The following PTPRN2 variants were observed in gnomAD, a reference collection of about 807,000 sequenced individuals.
The protein encoded by PTPRN2 is protein tyrosine phosphatase receptor type N2.
Under a neutral mutation model 118.8 loss-of-function variants are expected in PTPRN2, and 74 were observed. That is an observed-to-expected ratio of 0.62 (90% CI 0.52 to 0.76). The LOEUF (loss-of-function observed/expected upper bound fraction) is 0.76. PTPRN2 is among the 30% of genes least tolerant of loss of function. The probability of loss-of-function intolerance (pLI) is 0.00; values close to 1 mark genes in which losing one functional copy is unlikely to be tolerated. For synonymous variants in PTPRN2, 641 were observed against 608.0 expected, an observed-to-expected ratio of 1.05 and a Z score of -0.80; for missense variants, 1,481 against 1,394.4, an observed-to-expected ratio of 1.06 and a Z score of -0.99.
At chr7:157,955,786 C>T (rs1051293540) in intron 11 of PTPRN2, among the ~76,000 whole-genome samples, 2 of 152,222 alleles carry the variant, frequency 1.3e-5, no homozygotes, top group African/African-American at 4.8e-5. Context: ...CCCATCCCTT[C>T]ATTAGCCCAG....
intron 1 of PTPRN2, among the ~76,000 whole-genome samples, chr7:158,582,360 T>C (rs541405276): frequency 7.2e-5 from 11 of 152,178 alleles, no homozygotes; most frequent in Non-Finnish European, 1.5e-4. Flanking sequence ...TCTCTTGGGA[T>C]TCGGCTGGAT....
chr7:157,838,051 CCT>C, intron 12 of PTPRN2, among the ~76,000 whole-genome samples: 1 of 144,286 alleles, frequency 6.9e-6, no homozygotes, highest in Non-Finnish European at 1.5e-5. Flanking sequence ...CTCCGCCGTG[CCT>C]ACTCCAGTTC....
At position 157,968,107 on chromosome 7, in the gene PTPRN2, C is replaced by A. The variant is rs12530779; in HGVS notation, c.1724-69370G>T. On this transcript the variant is annotated intron_variant, in intron 11 of 22. Coordinates refer to ENST00000389418, the MANE Select transcript of PTPRN2 (RefSeq NM_002847.5). ...ACTACAGCGGAGGGCAGGGGAGGAC[C>A]CACTACTCCAGGATCATTTGTGGGG... 4.5e-3 allele frequency among the ~76,000 whole-genome samples: 678 copies of A among 152,130 alleles called. 15 individuals carry two copies. In the South Asian group the frequency reaches 0.053, roughly 12 times the overall value.
chr7:158,112,384 G>A (rs547490273), intron 9 of PTPRN2, among the ~76,000 whole-genome samples: 17 of 152,340 alleles, frequency 1.1e-4, no homozygotes, highest in African/African-American at 3.4e-4. Flanking sequence ...CAAGGGGGCC[G>A]CGGTGCCACA....
intron 5 of PTPRN2, among the ~76,000 whole-genome samples, chr7:158,182,535 C>T (rs1489852750): frequency 1.3e-5 from 2 of 152,130 alleles, no homozygotes; most frequent in Non-Finnish European, 2.9e-5. Context: ...CATGTGTTCT[C>T]ACTGTTCAAC....
At chr7:158,149,684 G>C (rs936298153) in intron 6 of PTPRN2, among the ~76,000 whole-genome samples, 2 of 151,996 alleles carry the variant, frequency 1.3e-5, no homozygotes, top group South Asian at 2.1e-4. Flanking sequence ...CATGCCTGTA[G>C]TCCCAGCTAC....
In PTPRN2 at chr7:158,057,105, T is replaced by C. The variant is rs1809852104; in HGVS notation, c.1723+24193A>G. The stretch of plus-strand genomic sequence containing the variant: ...GACGCTGCCCAGCTCCCGATTCCGC[T>C]CAGCACCTGTGGACGCGGGAGCATC... On this transcript the variant is annotated intron_variant, in intron 11 of 22. Coordinates refer to ENST00000389418, the MANE Select transcript of PTPRN2 (RefSeq NM_002847.5). 2.0e-5 allele frequency among the ~76,000 whole-genome samples: 3 copies of C among 152,230 alleles called. No homozygotes were observed. The South Asian group carries it at 6.2e-4, about 31-fold the overall frequency.
intron 2 of PTPRN2, among the ~76,000 whole-genome samples, chr7:158,405,435 C>T (rs1317735701): frequency 6.6e-6 from 1 of 152,168 alleles, no homozygotes; most frequent in African/African-American, 2.4e-5. Context: ...CACAAACAGC[C>T]CCCTGGAGGA....
In PTPRN2 at chr7:158,131,920, A is replaced by G. The variant is rs1408870851; in HGVS notation, c.1556+1757T>C. Among the ~76,000 whole-genome samples the G allele has an allele frequency of 2.0e-5, 3 of 152,020 alleles. No individual in the cohort carries two copies. In the South Asian group the frequency reaches 6.2e-4, roughly 32 times the overall value. On this transcript the variant is annotated intron_variant, in intron 9 of 22. Transcript: ENST00000389418. ...CATGGGCATATACACAAACCAATAC[A>G]CATCTACCCGACACACATACACACA...
intron 12 of PTPRN2, among the ~76,000 whole-genome samples, chr7:157,730,836 G>A (rs1004356193): frequency 2.0e-5 from 3 of 152,148 alleles, no homozygotes; most frequent in Non-Finnish European, 2.9e-5. Flanking sequence ...ACAGGGGAGG[G>A]CTCTGACCTC....
In PTPRN2 at chr7:158,387,675, G is replaced by A. The variant is rs543561890; in HGVS notation, c.164-70743C>T. 2.3e-5 allele frequency among the ~76,000 whole-genome samples: 3 copies of A among 130,392 alleles called. No individual in the cohort carries two copies. In the East Asian group the frequency reaches 6.8e-4, roughly 29 times the overall value. 85.5% of individuals were successfully genotyped at this position (130,392 alleles called of 152,430 possible). On this transcript the variant is annotated intron_variant, in intron 2 of 22. Coordinates refer to ENST00000389418, the MANE Select transcript of PTPRN2 (RefSeq NM_002847.5). The stretch of plus-strand genomic sequence containing the variant: ...GCCACCACCATCTGCTGAATCTGCT[G>A]ACTTAAAGGCAATGGTGCTGGATGG...
chr7:158,147,383 T>A (rs1219293573), intron 6 of PTPRN2, among the ~76,000 whole-genome samples: 2 of 29,608 alleles, frequency 6.8e-5, no homozygotes, highest in African/African-American at 5.4e-4. Flanking sequence ...TGACACCCCA[T>A]CTCACGCCAC....
intron 1 of PTPRN2, among the ~76,000 whole-genome samples, chr7:158,578,872 C>T (rs1276176607): frequency 1.3e-5 from 2 of 152,136 alleles, no homozygotes; most frequent in East Asian, 3.8e-4. Context: ...AAGTGATTCT[C>T]CTGCCTCAGC....
chr7:157,757,062 G>A (rs748176723), intron 12 of PTPRN2, among the ~76,000 whole-genome samples: 25 of 152,206 alleles, frequency 1.6e-4, no homozygotes, highest in Non-Finnish European at 2.6e-4. Flanking sequence ...ACGGGCAGTG[G>A]ATGGACTATG....
chr7:158,189,853 A>G (rs1585793169), intron 5 of PTPRN2, among the ~76,000 whole-genome samples: 1 of 152,194 alleles, frequency 6.6e-6, no homozygotes, highest in African/African-American at 2.4e-5. Context: ...GCAGAGGAGG[A>G]GGACAAAGCA....
chr7:158,198,441 G>A (rs528188261), intron 4 of PTPRN2, among the ~76,000 whole-genome samples: 88 of 152,322 alleles, frequency 5.8e-4, no homozygotes, highest in African/African-American at 2.0e-3. Context: ...TTAGGCTCAC[G>A]ATAATATGAG....
chr7:157,810,854 C>T (rs1217186154), intron 12 of PTPRN2, among the ~76,000 whole-genome samples: 1 of 152,056 alleles, frequency 6.6e-6, no homozygotes, highest in Non-Finnish European at 1.5e-5. Context: ...TGCTCCTCAC[C>T]CCAGGGCTCA....
At chr7:158,139,973 G>A (rs1174194756) in intron 6 of PTPRN2, among the ~76,000 whole-genome samples, 2 of 151,568 alleles carry the variant, frequency 1.3e-5, no homozygotes, top group Admixed American at 6.6e-5. Flanking sequence ...GTCCCTGTGG[G>A]CCTGCACACA....
chr7:157,970,636 A>AGCC (rs1802258360), intron 11 of PTPRN2, among the ~76,000 whole-genome samples: 1 of 111,552 alleles, frequency 9.0e-6, no homozygotes, highest in East Asian at 3.1e-4. Context: ...CTCAGAGCGG[A>AGCC]CCCCCCCCCC....
Sources: allele counts gnomAD v4.1 joint callset (sites outside exome capture counted in the v4.1 genomes callset), GRCh38; gene constraint gnomAD v4.1.1; transcripts MANE v1.5; gene names NCBI Gene and HGNC (gene_info 2026-07-23, HGNC 2026-07-21).